Variants in PLA2R1 observed in about 807,000 individuals in gnomAD.
PLA2R1 encodes the protein secretory phospholipase A2 receptor.
In PLA2R1, 158 loss-of-function variants were observed where a neutral mutation model predicts 195.9. That is an observed-to-expected ratio of 0.81 (90% CI 0.71 to 0.92). PLA2R1 has a LOEUF of 0.92. Ranked by LOEUF, PLA2R1 falls within the 40% of genes least tolerant of loss-of-function variation. PLA2R1 has a pLI of 0.00. For missense variants in PLA2R1, 1,626 were observed against 1,764.6 expected, an observed-to-expected ratio of 0.92 and a Z score of 1.41; for synonymous variants, 586 against 598.2, an observed-to-expected ratio of 0.98 and a Z score of 0.30.
rs960269136 is a variant in PLA2R1, at chr2:159,941,204, C to T, written c.*574G>A. On this transcript the variant is annotated 3_prime_UTR_variant, in exon 30 of 30. Coordinates refer to ENST00000283243, the MANE Select transcript of PLA2R1 (RefSeq NM_007366.5). ...TGTTAGACCTAATAAAAATGAATGT[C>T]ACCTTAAATATCAGTTGAGAGCCCA... 1 of 152,148 alleles carries T rather than the reference C, an allele frequency of 6.6e-6. No homozygotes were observed. The highest frequency in any genetic ancestry group is 2.4e-5 in the African/African-American group (1 of 41,430). 9.4% of individuals were successfully genotyped at this position (152,148 alleles called of 1,614,324 possible). A position where few individuals can be genotyped will look rare whatever the true frequency, so the allele number is the denominator to read the frequency against.
At chr2:159,944,478 T>C (rs1489168781) in intron 28 of PLA2R1, among the ~76,000 whole-genome samples, 2 of 152,244 alleles carry the variant, frequency 1.3e-5, no homozygotes, top group African/African-American at 4.8e-5. Flanking sequence ...TGACACATTA[T>C]GCTTGCAACA....
At chr2:159,925,346 T>C in the PLA2R1 span, among the ~76,000 whole-genome samples, 1 of 152,186 alleles carries the variant, frequency 6.6e-6, no homozygotes, top group Non-Finnish European at 1.5e-5. Flanking sequence ...ATGTAAAAGA[T>C]AACTGAAATT....
At position 160,013,274 on chromosome 2, in the gene PLA2R1, G is replaced by A; in HGVS notation, c.1653C>T (p.Thr551=). ...AAAGTTTAATTTACCTGTTTGTAAT[G>A]GTTACAAGTGCAGGAGGACAGTAAT... ...SGYYCPPALV[T]ITNRFEQAFI... The change falls in exon 10 of 30, where the codon ACC becomes ACT. Residue 551 remains threonine (T), a synonymous_variant. Transcript: ENST00000283243. 6.3e-7 allele frequency: 1 copy of A among 1,578,120 alleles called. No individual in the cohort carries two copies. The highest frequency in any genetic ancestry group is 8.7e-7 in the Non-Finnish European group (1 of 1,147,968).
chr2:160,002,758 A>G (rs1175701588), intron 11 of PLA2R1, among the ~76,000 whole-genome samples: 1 of 152,086 alleles, frequency 6.6e-6, no homozygotes, highest in Non-Finnish European at 1.5e-5. Context: ...ATTAAAATAC[A>G]TATCACTAAG....
intron 11 of PLA2R1, among the ~76,000 whole-genome samples, chr2:159,988,686 G>T (rs1431849266): frequency 5.3e-5 from 8 of 152,184 alleles, no homozygotes; most frequent in African/African-American, 1.9e-4. Flanking sequence ...TTTAAAAAAT[G>T]TCGTCACTTG....
chr2:160,046,872 G>A (rs1451734942), intron 1 of PLA2R1, among the ~76,000 whole-genome samples: 4 of 152,136 alleles, frequency 2.6e-5, no homozygotes, highest in Admixed American at 1.3e-4. Flanking sequence ...TATGGAGTCC[G>A]ATAATTAACC....
At chr2:160,011,011 T>C (rs1692322856) in intron 10 of PLA2R1, among the ~76,000 whole-genome samples, 1 of 152,184 alleles carries the variant, frequency 6.6e-6, no homozygotes, top group Non-Finnish European at 1.5e-5. Flanking sequence ...AAGACTGGGA[T>C]AAAAACAAAC....
At chr2:159,993,652 C>A (rs1311442653) in intron 11 of PLA2R1, among the ~76,000 whole-genome samples, 1 of 151,812 alleles carries the variant, frequency 6.6e-6, no homozygotes, top group Non-Finnish European at 1.5e-5. Flanking sequence ...TCTTGTCATA[C>A]CAGATAGCAA....
In PLA2R1 at chr2:159,976,133, G is replaced by T; in HGVS notation, c.2530C>A (p.His844Asn). Residue 844 changes from histidine (H) to asparagine (N), a missense_variant, in exon 17 of 30, where the codon CAC (histidine) becomes AAC (asparagine). Physicochemically the swap from His to Asn is moderately conservative, Grantham distance 68. Transcript: ENST00000283243. Reference sequence around the variant, plus strand: ...GAATGAATTGTGAGAAGATCACTGTGCAGCCAGCTACAGACAAACTCAAAG... The same window carrying T: ...GAATGAATTGTGAGAAGATCACTGTTCAGCCAGCTACAGACAAACTCAAAG... ...LNFEFVCSWL[H>N]SDLLTIHSAH... 1 of 1,612,524 alleles carries T rather than the reference G, an allele frequency of 6.2e-7. No homozygotes were observed. Among genetic ancestry groups the T allele is most frequent in the South Asian group, 1.1e-5 (1 of 91,024 alleles).
downstream of PLA2R1, among the ~76,000 whole-genome samples, chr2:159,929,881 T>C (rs890100288): frequency 6.6e-6 from 1 of 151,540 alleles, no homozygotes; most frequent in Non-Finnish European, 1.5e-5. Flanking sequence ...TGTATATATA[T>C]ATATATGAAT....
intron 11 of PLA2R1, among the ~76,000 whole-genome samples, chr2:160,000,388 G>A (rs1484062916): frequency 3.3e-5 from 5 of 152,184 alleles, no homozygotes; most frequent in African/African-American, 1.2e-4. Context: ...CTACCTATGT[G>A]TTCAAGAAAA....
At chr2:160,057,649 G>A (rs1428851301) in intron 1 of PLA2R1, among the ~76,000 whole-genome samples, 3 of 152,118 alleles carry the variant, frequency 2.0e-5, no homozygotes, top group African/African-American at 7.2e-5. Flanking sequence ...CTCATCCCTG[G>A]TTATCATAAG....
Position 159,955,338 on chromosome 2 carries a change from A to C in PLA2R1, c.3162T>G (p.Ser1054Arg). 6.3e-7 allele frequency: 1 copy of C among 1,591,322 alleles called. No individual in the cohort carries two copies. Among genetic ancestry groups the C allele is most frequent in the African/African-American group, 1.3e-5 (1 of 74,480 alleles). ...GTTTCTGAACTTCAGTGGTATTGTGACTTGGAATCTTTAAAATAATACACG... is the reference window on the plus strand; with the variant it reads ...GTTTCTGAACTTCAGTGGTATTGTGCCTTGGAATCTTTAAAATAATACACG... ...WSPFDIINIPSHNTTEVQKHI... is the reference protein window; with the variant it reads ...WSPFDIINIPRHNTTEVQKHI... Residue 1054 changes from serine (S) to arginine (R), a missense_variant, in exon 23 of 30, where the codon AGT becomes AGG. Physicochemically the swap from Ser to Arg is moderately radical, Grantham distance 110. Coordinates refer to ENST00000283243, the MANE Select transcript of PLA2R1 (RefSeq NM_007366.5).
chr2:160,037,274 C>T (rs1208644189), intron 3 of PLA2R1, among the ~76,000 whole-genome samples: 2 of 152,194 alleles, frequency 1.3e-5, no homozygotes, highest in Non-Finnish European at 2.9e-5. Flanking sequence ...CATCACTCCC[C>T]TGCTTAAAAC....
chr2:159,973,820 G>A (rs998985797), intron 17 of PLA2R1, among the ~76,000 whole-genome samples: 3 of 152,068 alleles, frequency 2.0e-5, no homozygotes, highest in Non-Finnish European at 4.4e-5. Flanking sequence ...AACTGATGGG[G>A]CATTCTACAT....
chr2:159,926,322 A>T, the PLA2R1 span, among the ~76,000 whole-genome samples: 1 of 152,194 alleles, frequency 6.6e-6, no homozygotes, highest in Non-Finnish European at 1.5e-5. Flanking sequence ...ACTGCTTTTT[A>T]TAGTGTAATT....
chr2:159,930,443 G>A (rs1322499261), downstream of PLA2R1, among the ~76,000 whole-genome samples: 4 of 150,614 alleles, frequency 2.7e-5, no homozygotes, highest in African/African-American at 7.3e-5. Flanking sequence ...TGGTTACAGC[G>A]TACACTGCTT....
intron 2 of PLA2R1, among the ~76,000 whole-genome samples, chr2:160,042,788 GGT>G (rs1197822388): frequency 3.0e-5 from 4 of 135,302 alleles, no homozygotes; most frequent in East Asian, 4.4e-4. Context: ...GACAGAGTGG[GGT>G]GTGTGTGTGC....
At chr2:159,980,007 C>A (rs1393055997) in intron 13 of PLA2R1, 93 bp from the exon 14 acceptor site, 3 of 668,932 alleles carry the variant, frequency 4.5e-6, no homozygotes, top group Non-Finnish European at 5.4e-6. Flanking sequence ...CACATGTATA[C>A]ACATGTAACT....
Sources: allele counts gnomAD v4.1 joint callset (sites outside exome capture counted in the v4.1 genomes callset), GRCh38; gene constraint gnomAD v4.1.1; transcripts MANE v1.5; gene names NCBI Gene and HGNC (gene_info 2026-07-23, HGNC 2026-07-21).